ZIM2: variants seen among roughly 807,000 people sequenced by gnomAD.
The protein encoded by ZIM2 is zinc finger protein 656.
ZIM2 carries 14 observed loss-of-function variants against 38.6 expected under a neutral mutation model. The ratio of observed to expected loss-of-function variants is 0.36; its 90% CI spans 0.24 to 0.57. The LOEUF is 0.57. Among genes scored for constraint, ZIM2 ranks in the 20% least tolerant of loss-of-function variants. The pLI is 0.81. For synonymous variants in ZIM2, 247 were observed against 245.8 expected, an observed-to-expected ratio of 1.00 and a Z score of -0.04; for missense variants, 680 against 695.1, an observed-to-expected ratio of 0.98 and a Z score of 0.24.
chr19:56,830,941 AC>A (rs1243495652), intron 2 of ZIM2, among the ~76,000 whole-genome samples: 2 of 152,004 alleles, frequency 1.3e-5, no homozygotes, highest in Non-Finnish European at 2.9e-5. Flanking sequence ...AAAATAAAAA[AC>A]AATAAAAAAT....
Position 56,816,310 on chromosome 19 carries a change from T to C in ZIM2, c.490+1436A>G. 6.2e-7 allele frequency: 1 copy of C among 1,614,070 alleles called. No homozygotes were observed. Among genetic ancestry groups the C allele is most frequent in the East Asian group, 2.2e-5 (1 of 44,874 alleles). On this transcript the variant is annotated intron_variant, in intron 9 of 12. Transcript: ENST00000629319. ...CTCATACCCTCTGCCTTCAAAGAGG[T>C]TCTTTCGAGAATGAATTTTCTGATG... is the stretch of plus-strand genomic sequence containing the variant.
At chr19:56,809,078 A>T (rs1162290324) in intron 9 of ZIM2, among the ~76,000 whole-genome samples, 3 of 152,122 alleles carry the variant, frequency 2.0e-5, no homozygotes, top group African/African-American at 4.8e-5. Flanking sequence ...GAGTATAAGG[A>T]TTGGTCAAAC....
intron 9 of ZIM2, among the ~76,000 whole-genome samples, chr19:56,795,748 G>A (rs1600773223): frequency 6.6e-6 from 1 of 152,222 alleles, no homozygotes; most frequent in South Asian, 2.1e-4. Flanking sequence ...GGCTGAGGCA[G>A]GAGAATTGCT....
Position 56,775,433 on chromosome 19 carries a change from T to C in ZIM2, c.932A>G (p.Glu311Gly). 6.2e-7 allele frequency: 1 copy of C among 1,614,130 alleles called. No homozygotes were observed. Among genetic ancestry groups the C allele is most frequent in the Non-Finnish European group, 8.5e-7 (1 of 1,180,034 alleles). The change falls in exon 13 of 13, where the codon GAA becomes GGA. Residue 311 changes from glutamate (E) to glycine (G), a missense_variant. Glu to Gly is a moderately conservative substitution (Grantham distance 98). Transcript: ENST00000629319. ...AAATTCATCACTGCCATAGCTTCTT[T>C]CCGGAGTGAGGGTCTTGGGGTCATT... ...TMNDPKTLTP[E>G]RSYGSDEFER...
At chr19:56,813,311 G>T (rs932821044) in intron 9 of ZIM2, 1 of 959,486 alleles carries the variant, frequency 1.0e-6, no homozygotes, top group Non-Finnish European at 1.3e-6. Context: ...GTCATAATTT[G>T]CTATTTTATA....
Position 56,814,113 on chromosome 19 carries a change from G to A in ZIM2, c.490+3633C>T. The A allele has an allele frequency of 3.7e-6, 6 of 1,613,802 alleles. No individual in the cohort carries two copies. The highest frequency in any genetic ancestry group is 2.2e-5 in the South Asian group (2 of 90,994). On this transcript the variant is annotated intron_variant, in intron 9 of 12. Transcript: ENST00000629319. This position sits in a 1 kb window ranked among gnomAD's most constrained non-coding sequence, Gnocchi z 5.8. ...CATCAGCATCCCCATTTGGCTGCTC[G>A]GCCTCTCCATTTGGCTGTCCAGCCT...
At chr19:56,834,623 G>T (rs973809121) in intron 2 of ZIM2, among the ~76,000 whole-genome samples, 1 of 152,168 alleles carries the variant, frequency 6.6e-6, no homozygotes, top group Non-Finnish European at 1.5e-5. Context: ...TTAGTTAAAT[G>T]TGGATCTACC....
intron 2 of ZIM2, among the ~76,000 whole-genome samples, chr19:56,832,141 A>G (rs955349721): frequency 6.6e-6 from 1 of 152,238 alleles, no homozygotes; most frequent in African/African-American, 2.4e-5. Context: ...ATCTCTATTT[A>G]AAATGTTATT....
chr19:56,805,441 A>C (rs2047711455), intron 9 of ZIM2, among the ~76,000 whole-genome samples: 1 of 152,192 alleles, frequency 6.6e-6, no homozygotes, highest in African/African-American at 2.4e-5. Flanking sequence ...CCCATCATGG[A>C]CCAATCAAAA....
At chr19:56,839,910 C>G (rs1445925627) in intron 1 of ZIM2, among the ~76,000 whole-genome samples, 1 of 152,276 alleles carries the variant, frequency 6.6e-6, no homozygotes, top group Non-Finnish European at 1.5e-5. Flanking sequence ...ACCAAGGCAG[C>G]TCCTGCGCAG....
chr19:56,785,403 A>T (rs1600728045), intron 10 of ZIM2, among the ~76,000 whole-genome samples: 1 of 151,974 alleles, frequency 6.6e-6, no homozygotes. Context: ...AGTAATCTTT[A>T]TACGTCATTT....
At chr19:56,833,096 A>C (rs1470624704) in intron 2 of ZIM2, 1 of 500,702 alleles carries the variant, frequency 2.0e-6, no homozygotes, top group African/African-American at 1.9e-5. Context: ...ATGAAAGAAC[A>C]CATCATGCAC....
At chr19:56,830,410 T>C (rs2061465553) in intron 2 of ZIM2, among the ~76,000 whole-genome samples, 1 of 152,224 alleles carries the variant, frequency 6.6e-6, no homozygotes, top group African/African-American at 2.4e-5. Context: ...CAACAGCCTT[T>C]CCTCATAAAT....
At chr19:56,777,768 A>G (rs964485099) in intron 12 of ZIM2, among the ~76,000 whole-genome samples, 1 of 152,202 alleles carries the variant, frequency 6.6e-6, no homozygotes, top group Non-Finnish European at 1.5e-5. Flanking sequence ...CTAAAATATC[A>G]ATAACACTAC....
chr19:56,820,500 G>A (rs1162946938), intron 7 of ZIM2, among the ~76,000 whole-genome samples: 1 of 152,170 alleles, frequency 6.6e-6, no homozygotes, highest in African/African-American at 2.4e-5. Flanking sequence ...CATGCCTCCA[G>A]CCTTCTTCCT....
At chr19:56,780,284 C>A (rs113039211) in intron 11 of ZIM2, among the ~76,000 whole-genome samples, 1 of 150,034 alleles carries the variant, frequency 6.7e-6, no homozygotes, top group Non-Finnish European at 1.5e-5. Context: ...ACTCTGTCTC[C>A]CAGGCTAGAG....
At chr19:56,805,471 A>C (rs978143537) in intron 9 of ZIM2, among the ~76,000 whole-genome samples, 2 of 152,098 alleles carry the variant, frequency 1.3e-5, no homozygotes, top group East Asian at 1.9e-4. Context: ...ATCCTTCCTT[A>C]CTTGCTTTAT....
At chr19:56,839,117 C>T (rs1252394419) in intron 1 of ZIM2, among the ~76,000 whole-genome samples, 2 of 151,760 alleles carry the variant, frequency 1.3e-5, no homozygotes, top group Admixed American at 1.3e-4. Flanking sequence ...AAATCTCAAG[C>T]ACTTTCATTA....
chr19:56,823,092 C>T (rs1209227069), intron 5 of ZIM2, among the ~76,000 whole-genome samples: 1 of 152,232 alleles, frequency 6.6e-6, no homozygotes, highest in Non-Finnish European at 1.5e-5. Flanking sequence ...TAGCTAACCC[C>T]CACTTCAGAC....
Sources: allele counts gnomAD v4.1 joint callset (sites outside exome capture counted in the v4.1 genomes callset), GRCh38; gene constraint gnomAD v4.1.1; non-coding constraint Gnocchi (gnomAD v3.1); transcripts MANE v1.5; gene names NCBI Gene and HGNC (gene_info 2026-07-23, HGNC 2026-07-21).